The following DDAH1 variants were observed in gnomAD, a reference collection of about 807,000 sequenced individuals.
DDAH1 encodes the protein N(G),N(G)-dimethylarginine dimethylaminohydrolase 1.
DDAH1 carries 19 observed loss-of-function variants against 28.8 expected under a neutral mutation model. The observed-to-expected ratio is 0.66, with a 90% CI of 0.46 to 0.97. The LOEUF is 0.97. DDAH1 is among the 50% of genes least tolerant of loss of function. DDAH1 has a pLI of 0.00. For synonymous variants in DDAH1, 153 were observed against 154.4 expected (o/e 0.99, Z 0.07); for missense variants, 326 against 375.9 (o/e 0.87, Z 1.10).
At chr1:85,535,272 A>G (rs1205996949) in intron 1 of DDAH1, among the ~76,000 whole-genome samples, 1 of 151,308 alleles carries the variant, frequency 6.6e-6, no homozygotes, top group Non-Finnish European at 1.5e-5. Context: ...ACCAGACATG[A>G]AAATCTATCG....
chr1:85,474,569 C>G (rs1180416595), intron 2 of DDAH1, among the ~76,000 whole-genome samples: 2 of 152,178 alleles, frequency 1.3e-5, no homozygotes, highest in Non-Finnish European at 2.9e-5. Flanking sequence ...AAGAAGACTT[C>G]CCTGGGTCCC....
intron 1 of DDAH1, among the ~76,000 whole-genome samples, chr1:85,456,848 C>T (rs547551057): frequency 1.7e-4 from 26 of 152,160 alleles, no homozygotes; most frequent in African/African-American, 5.5e-4. Context: ...TTACAGGACC[C>T]CCCCACCCTC....
intron 1 of DDAH1, among the ~76,000 whole-genome samples, chr1:85,558,957 T>C (rs1659064041): frequency 6.6e-6 from 1 of 152,212 alleles, no homozygotes; most frequent in African/African-American, 2.4e-5. Context: ...GGATATACTA[T>C]AATTTATTAA....
Position 85,354,041 on chromosome 1 carries a change from G to A in DDAH1, c.404-2462C>T, listed in dbSNP as rs182569390. ...GTTGGACTTCTGTCTCTGGCAGTAC[G>A]TTGGATGAGATCTCCTAAATAATCT... On this transcript the variant is annotated intron_variant, in intron 2 of 5. Transcript: ENST00000284031. Among the ~76,000 whole-genome samples the A allele has an allele frequency of 3.0e-3, 453 of 152,290 alleles. 1 individual carries two copies. The highest frequency in any genetic ancestry group is 4.3e-3 in the Non-Finnish European group (294 of 68,000).
At chr1:85,341,767 C>T (rs1229534656) in intron 4 of DDAH1, among the ~76,000 whole-genome samples, 2 of 152,170 alleles carry the variant, frequency 1.3e-5, no homozygotes, top group African/African-American at 4.8e-5. Context: ...GAGCCGAGAT[C>T]ACGCCACTGC....
At chr1:85,545,697 T>C (rs551063009) in intron 1 of DDAH1, among the ~76,000 whole-genome samples, 126 of 152,338 alleles carry the variant, frequency 8.3e-4, no homozygotes, top group Non-Finnish European at 1.5e-3. Context: ...CTTCTTGTGT[T>C]AGCCAAATAA....
intron 1 of DDAH1, among the ~76,000 whole-genome samples, chr1:85,432,875 T>C (rs1653758015): frequency 6.6e-6 from 1 of 152,160 alleles, no homozygotes. Flanking sequence ...CATGAACTGA[T>C]CAAGACCTGG....
chr1:85,377,239 G>A (rs1650721028), intron 1 of DDAH1, among the ~76,000 whole-genome samples: 1 of 152,006 alleles, frequency 6.6e-6, no homozygotes, highest in African/African-American at 2.4e-5. Flanking sequence ...AACTAAAAAT[G>A]GTTTTGATAT....
At chr1:85,560,542 A>G (rs1232187695) in intron 1 of DDAH1, among the ~76,000 whole-genome samples, 1 of 152,098 alleles carries the variant, frequency 6.6e-6, no homozygotes, top group Non-Finnish European at 1.5e-5. Flanking sequence ...GGAAAATGAA[A>G]ATATATTATT....
At chr1:85,564,414 G>A (rs1659233918) in intron 1 of DDAH1, among the ~76,000 whole-genome samples, 1 of 152,168 alleles carries the variant, frequency 6.6e-6, no homozygotes, top group Non-Finnish European at 1.5e-5. Flanking sequence ...AGTCTTTGAA[G>A]TGCAGAGAGG....
intron 1 of DDAH1, among the ~76,000 whole-genome samples, chr1:85,544,048 C>G (rs139139578): frequency 6.6e-6 from 1 of 152,092 alleles, no homozygotes; most frequent in African/African-American, 2.4e-5. Context: ...TTATTTGGTT[C>G]TTGCAGGTTT....
chr1:85,324,737 T>C lies in DDAH1; in HGVS notation c.741+3A>G. The C allele has an allele frequency of 1.2e-6, 2 of 1,614,162 alleles. No homozygotes were observed. Among genetic ancestry groups the C allele is most frequent in the Non-Finnish European group, 1.7e-6 (2 of 1,180,008 alleles). ...GCAGTGGTCAGAAGGGATATTTTTT[T>C]ACCTTTGCACTTTCTGGATACTCTT... On this transcript the variant is annotated splice_donor_region_variant and intron_variant, in intron 5 of 5. Transcript: ENST00000284031.
At chr1:85,545,261 A>G (rs1658586028) in intron 1 of DDAH1, among the ~76,000 whole-genome samples, 1 of 152,172 alleles carries the variant, frequency 6.6e-6, no homozygotes, top group Non-Finnish European at 1.5e-5. Context: ...AGCAAAGCAG[A>G]GGGTCAACAT....
intron 1 of DDAH1, among the ~76,000 whole-genome samples, chr1:85,425,973 C>T (rs1218683464): frequency 6.6e-6 from 1 of 152,148 alleles, no homozygotes; most frequent in African/African-American, 2.4e-5. Flanking sequence ...ATTTACAAAA[C>T]AGATTTTAAA....
At chr1:85,428,422 A>G (rs1224990745) in intron 1 of DDAH1, among the ~76,000 whole-genome samples, 4 of 152,128 alleles carry the variant, frequency 2.6e-5, no homozygotes, top group Non-Finnish European at 5.9e-5. Context: ...ATCAGAACTC[A>G]TAAGACTTAT....
chr1:85,391,710 G>A (rs1194901861), intron 1 of DDAH1, among the ~76,000 whole-genome samples: 1 of 152,170 alleles, frequency 6.6e-6, no homozygotes, highest in Admixed American at 6.5e-5. Flanking sequence ...TCAGTTGGAT[G>A]GCAAACAACA....
At chr1:85,460,503 T>C (rs1313253297) in intron 1 of DDAH1, among the ~76,000 whole-genome samples, 1 of 152,052 alleles carries the variant, frequency 6.6e-6, no homozygotes, top group Non-Finnish European at 1.5e-5. Context: ...CAAGACAAAA[T>C]TACCCCACAT....
intron 1 of DDAH1, among the ~76,000 whole-genome samples, chr1:85,500,114 T>TTTTCTTTCTTTCTTTC (rs199804690): frequency 3.7e-4 from 48 of 129,890 alleles, no homozygotes; most frequent in African/African-American, 1.3e-3. Context: ...CTTTCTTTTC[T>TTTTCTTTCTTTCTTTC]TTTCTTTCTT....
intron 1 of DDAH1, among the ~76,000 whole-genome samples, chr1:85,422,926 T>C (rs1360129924): frequency 1.3e-5 from 2 of 152,188 alleles, no homozygotes; most frequent in African/African-American, 2.4e-5. Context: ...AATCCAACCA[T>C]GCTGCCACCC....
Sources: gnomAD v4.1 joint callset for allele counts (sites outside exome capture counted in the v4.1 genomes callset) on GRCh38, gnomAD v4.1.1 for gene constraint, MANE v1.5 for transcripts, NCBI Gene and HGNC (gene_info 2026-07-23, HGNC 2026-07-21) for gene names.